HIVEP3: variants seen among roughly 807,000 people sequenced by gnomAD.
The protein encoded by HIVEP3 is HIVEP zinc finger 3, also known as transcription factor HIVEP3.
HIVEP3 carries 49 observed loss-of-function variants against 152.8 expected under a neutral mutation model. That is an observed-to-expected ratio of 0.32 (90% CI 0.26 to 0.41). HIVEP3 has a LOEUF of 0.41. Ranked by LOEUF, HIVEP3 falls within the 10% of genes least tolerant of loss-of-function variation. The probability of loss-of-function intolerance (pLI) is 1.00; values close to 1 mark genes in which losing one functional copy is unlikely to be tolerated. For synonymous variants in HIVEP3, 1,269 were observed against 1,289.0 expected, an observed-to-expected ratio of 0.98 and a Z score of 0.33; for missense variants, 2,790 against 3,103.3, an observed-to-expected ratio of 0.90 and a Z score of 2.40.
At chr1:41,812,610 C>T (rs1054159187) in intron 1 of HIVEP3, among the ~76,000 whole-genome samples, 1 of 151,798 alleles carries the variant, frequency 6.6e-6, no homozygotes, top group Middle Eastern at 3.4e-3. Flanking sequence ...CATCTGGACA[C>T]TTCATTTTAA....
intron 3 of HIVEP3, among the ~76,000 whole-genome samples, chr1:41,589,503 C>A (rs1221635502): frequency 1.3e-5 from 2 of 152,190 alleles, no homozygotes; most frequent in African/African-American, 2.4e-5. Flanking sequence ...AGCTCTGGAA[C>A]CAAACTGGAA....
chr1:41,711,449 C>T (rs1570371348), intron 1 of HIVEP3, among the ~76,000 whole-genome samples: 1 of 152,204 alleles, frequency 6.6e-6, no homozygotes, highest in African/African-American at 2.4e-5. Context: ...GGTGAAAAAG[C>T]CTGGGCTTTG....
intron 1 of HIVEP3, among the ~76,000 whole-genome samples, chr1:41,821,912 C>T (rs1003458753): frequency 3.9e-5 from 6 of 152,218 alleles, no homozygotes; most frequent in African/African-American, 7.2e-5. Context: ...ATCCAGCCTA[C>T]GTGGAGTGCT....
intron 1 of HIVEP3, among the ~76,000 whole-genome samples, chr1:41,906,470 T>A (rs1644712201): frequency 6.6e-6 from 1 of 152,144 alleles, no homozygotes; most frequent in African/African-American, 2.4e-5. Flanking sequence ...TTTAGCTATA[T>A]GAAATTCTAG....
chr1:41,589,185 G>C (rs373292065), intron 3 of HIVEP3, among the ~76,000 whole-genome samples: 3 of 152,174 alleles, frequency 2.0e-5, no homozygotes, highest in Non-Finnish European at 4.4e-5. Flanking sequence ...CAGAGAAATG[G>C]GCCCAGGAGC....
chr1:41,754,855 C>G (rs1288010853), intron 1 of HIVEP3, among the ~76,000 whole-genome samples: 1 of 152,092 alleles, frequency 6.6e-6, no homozygotes, highest in Non-Finnish European at 1.5e-5. Context: ...AAAATGATAA[C>G]AGCCGGGGTT....
Position 41,581,773 on chromosome 1 carries a change from G to C in HIVEP3, c.3025C>G (p.Arg1009Gly), listed in dbSNP as rs746529841. Residue 1009 changes from arginine (R) to glycine (G), a missense_variant, in exon 4 of 9, where the codon CGC (arginine) becomes GGC (glycine). Coordinates refer to ENST00000372583, the MANE Select transcript of HIVEP3 (RefSeq NM_024503.5). The surrounding 1 kb of genome is among the most constrained non-coding windows in gnomAD (Gnocchi z 4.5). ...CTGCCATAGTCAAAGGATTTGCTGC[G>C]TGTCTCGGTCATGTGGGCAGAATGG... Reference protein sequence around the residue: ...VSHSAHMTETRSKSFDYGSLS... With the variant: ...VSHSAHMTETGSKSFDYGSLS... 1 of 1,592,830 alleles carries C rather than the reference G, an allele frequency of 6.3e-7. No homozygotes were observed. The highest frequency in any genetic ancestry group is 1.3e-5 in the African/African-American group (1 of 74,192).
chr1:41,987,751 T>A (rs1183004290), intron 1 of HIVEP3, among the ~76,000 whole-genome samples: 1 of 152,216 alleles, frequency 6.6e-6, no homozygotes, highest in Admixed American at 6.5e-5. Context: ...ATATAAAGAT[T>A]GGGTAATTTA....
In HIVEP3 at chr1:41,974,204, A is replaced by G. The variant is rs1318736422; in HGVS notation, n.120-55680T>C. Among the ~76,000 whole-genome samples the G allele has an allele frequency of 1.2e-4, 19 of 152,222 alleles. No homozygotes were observed. The East Asian group carries it at 3.7e-3, about 29-fold the overall frequency. On this transcript the variant is annotated intron_variant and non_coding_transcript_variant, in intron 1 of 3. Coordinates refer to the HIVEP3 transcript ENST00000489103. Reference sequence around the variant, plus strand: ...ATGTCTATTTTTGTGTAAGATTCCCAAAGAGCTCAGGCAGACTAATAACAG... The same window carrying G: ...ATGTCTATTTTTGTGTAAGATTCCCGAAGAGCTCAGGCAGACTAATAACAG...
At chr1:41,996,665 GC>G (rs1557555013) in intron 1 of HIVEP3, among the ~76,000 whole-genome samples, 1 of 152,146 alleles carries the variant, frequency 6.6e-6, no homozygotes, top group African/African-American at 2.4e-5. Context: ...TCCTGACTTA[GC>G]CCTGTGTATT....
intron 1 of HIVEP3, among the ~76,000 whole-genome samples, chr1:42,024,840 A>T: frequency 6.6e-6 from 1 of 152,132 alleles, no homozygotes; most frequent in East Asian, 1.9e-4. Flanking sequence ...AAATGTTTTC[A>T]TTTTGCCATT....
intron 7 of HIVEP3, among the ~76,000 whole-genome samples, chr1:41,514,828 TAAAC>T (rs1202180885): frequency 2.6e-5 from 4 of 152,232 alleles, no homozygotes; most frequent in Non-Finnish European, 5.9e-5. Flanking sequence ...TTGCACTCCT[TAAAC>T]AGACTATAAG....
intron 1 of HIVEP3, among the ~76,000 whole-genome samples, chr1:41,824,820 AAG>A (rs1209141189): frequency 8.2e-4 from 8 of 9,738 alleles, no homozygotes; most frequent in Non-Finnish European, 1.5e-3. Flanking sequence ...GAGAGAGAGA[AAG>A]AGAGAGAGAG....
chr1:41,906,427 A>T (rs999851235), intron 1 of HIVEP3, among the ~76,000 whole-genome samples: 2 of 152,220 alleles, frequency 1.3e-5, no homozygotes, highest in African/African-American at 2.4e-5. Context: ...AAGAGAAAGA[A>T]GCCAGAAGCA....
At chr1:41,733,321 A>G (rs1646869902) in intron 1 of HIVEP3, among the ~76,000 whole-genome samples, 1 of 152,124 alleles carries the variant, frequency 6.6e-6, no homozygotes, top group Admixed American at 6.5e-5. Context: ...CCAATGTCCA[A>G]CTCCCAGGTA....
At chr1:41,907,124 A>C (rs1014943635) in intron 1 of HIVEP3, among the ~76,000 whole-genome samples, 1 of 152,188 alleles carries the variant, frequency 6.6e-6, no homozygotes, top group African/African-American at 2.4e-5. Context: ...GGTAGAAAGC[A>C]TGCATATATT....
intron 3 of HIVEP3, among the ~76,000 whole-genome samples, chr1:41,606,685 T>C (rs370857982): frequency 2.0e-5 from 3 of 151,926 alleles, no homozygotes; most frequent in East Asian, 1.9e-4. Flanking sequence ...CCAGAAAATA[T>C]AGGTGACTGA....
At chr1:41,642,116 G>A (rs1314674325) in intron 2 of HIVEP3, among the ~76,000 whole-genome samples, 1 of 152,176 alleles carries the variant, frequency 6.6e-6, no homozygotes. Flanking sequence ...AGACCCTACT[G>A]CCCATCCTCT....
chr1:41,851,289 C>CTTTTTTT lies in HIVEP3; in HGVS notation c.-801+67117_-801+67123dup, dbSNP rs34180186. Among the ~76,000 whole-genome samples the CTTTTTTT allele has an allele frequency of 8.4e-4, 50 of 59,800 alleles. 1 individual carries two copies. The highest frequency in any genetic ancestry group is 2.2e-3 in the East Asian group (3 of 1,376). The allele number at this position is 59,800 out of a possible 152,430, so 39.2% of individuals were successfully genotyped here. A position where few individuals can be genotyped will look rare whatever the true frequency, so the allele number is the denominator to read the frequency against. On this transcript the variant is annotated intron_variant, in intron 1 of 8. Coordinates refer to ENST00000372583, the MANE Select transcript of HIVEP3 (RefSeq NM_024503.5). ...GATGAGAGAGCACCTTCTTCTTCTTCTTTTTTTTTTTTTTTTTTTTTTTTT... is the reference window on the plus strand; with the variant it reads ...GATGAGAGAGCACCTTCTTCTTCTTCTTTTTTTTTTTTTTTTTTTTTTTTTTTTTTTT...
Sources: allele counts gnomAD v4.1 joint callset (sites outside exome capture counted in the v4.1 genomes callset), GRCh38; gene constraint gnomAD v4.1.1; non-coding constraint Gnocchi (gnomAD v3.1); transcripts MANE v1.5; gene names NCBI Gene and HGNC (gene_info 2026-07-23, HGNC 2026-07-21).